PANK4: variants seen among roughly 807,000 people sequenced by gnomAD.
PANK4 encodes the protein pantothenate kinase 4 (inactive).
A neutral mutation model predicts 87.9 loss-of-function variants in PANK4; 40 were observed. The ratio of observed to expected loss-of-function variants is 0.46; its 90% CI spans 0.35 to 0.59. The LOEUF (loss-of-function observed/expected upper bound fraction) is 0.59. PANK4 is among the 20% of genes least tolerant of loss of function. The pLI is 0.00. For missense variants in PANK4, 926 were observed against 1,072.3 expected (o/e 0.86, Z 1.90); for synonymous variants, 524 against 467.4 (o/e 1.12, Z -1.56).
In PANK4 at chr1:2,512,976, C is replaced by G. The variant is rs372681543; in HGVS notation, c.1639G>C (p.Ala547Pro). 1 of 1,612,216 alleles carries G rather than the reference C, an allele frequency of 6.2e-7. No homozygotes were observed. Among genetic ancestry groups the G allele is most frequent in the Non-Finnish European group, 8.5e-7 (1 of 1,179,488 alleles). Residue 547 changes from alanine (A) to proline (P), a missense_variant, in exon 13 of 19, where the codon GCG (alanine) becomes CCG (proline). By Grantham distance (27) the Ala-to-Pro change is conservative. Transcript: ENST00000378466. Reference protein sequence around the residue: ...CFPGVVRSLDALGWEERQLAL... With the variant: ...CFPGVVRSLDPLGWEERQLAL... Reference sequence around the variant, plus strand: ...AGCTGCCGTTCCTCCCAGCCCAGCGCGTCCAGGGAGCGCACGACCCCGGGG... The same window carrying G: ...AGCTGCCGTTCCTCCCAGCCCAGCGGGTCCAGGGAGCGCACGACCCCGGGG...
At chr1:2,522,765 A>C (rs11583446) in intron 1 of PANK4, among the ~76,000 whole-genome samples, 1 of 11,788 alleles carries the variant, frequency 8.5e-5, no homozygotes. Context: ...GTGTTATAGT[A>C]ACTTAACGGA....
chr1:2,514,634 C>CGG (rs1479864791), intron 10 of PANK4, among the ~76,000 whole-genome samples, 168 bp from the exon 11 acceptor site: 1 of 61,638 alleles, frequency 1.6e-5, no homozygotes, highest in Non-Finnish European at 2.5e-5. Context: ...AGCCGGCTGT[C>CGG]GGGGGCTGTT....
chr1:2,518,322 A>G (rs775032234), intron 8 of PANK4, 58 bp from the exon 9 acceptor site: 22 of 1,217,044 alleles, frequency 1.8e-5, no homozygotes, highest in Admixed American at 1.6e-4. Flanking sequence ...CAAAAGCAGG[A>G]GAGTGGAGGA....
At position 2,521,130 on chromosome 1, in the gene PANK4, T is replaced by C. The variant is rs2985862; in HGVS notation, c.393A>G (p.Lys131=). 1,225,976 of 1,613,168 alleles carry C rather than the reference T, an allele frequency of 0.76. 468,635 individuals carry two copies. Among genetic ancestry groups the C allele is most frequent in the East Asian group, 0.97 (43,729 of 44,890 alleles). Residue 131 remains lysine, a synonymous_variant, in exon 3 of 19, where the codon AAA becomes AAG. Coordinates refer to ENST00000378466, the MANE Select transcript of PANK4 (RefSeq NM_018216.4). Reference sequence around the variant, plus strand: ...GCCGCAGCTTCTCTTCGATGAGGTCTTTGAACTTGTAGGCCCCGCCCCCGG... The same window carrying C: ...GCCGCAGCTTCTCTTCGATGAGGTCCTTGAACTTGTAGGCCCCGCCCCCGG... ...QATGGGAYKF[K]DLIEEKLRLK... is the part of the protein sequence containing the mutation.
In PANK4 at chr1:2,519,284, C is replaced by G; in HGVS notation, c.894G>C (p.Met298Ile). The G allele has an allele frequency of 1.2e-6, 2 of 1,611,892 alleles. No homozygotes were observed. The highest frequency in any genetic ancestry group is 1.7e-6 in the Non-Finnish European group (2 of 1,179,328). ...CCAGCTGCCCAATGTCGTTGCTGAT[C>G]ATGTGCAGCAGGCTCTTCGCCATGT... ...KEDMAKSLLH[M>I]ISNDIGQLAC... Residue 298 changes from methionine to isoleucine, a missense_variant, in exon 7 of 19, where the codon ATG (methionine) becomes ATC (isoleucine). By Grantham distance (10) the Met-to-Ile change is conservative (BLOSUM62 1). Coordinates refer to ENST00000378466, the MANE Select transcript of PANK4 (RefSeq NM_018216.4). The surrounding 1 kb of genome is among the most constrained non-coding windows in gnomAD (Gnocchi z 8.3).
chr1:2,512,912 T>C lies in PANK4; in HGVS notation c.1703A>G (p.Asp568Gly). The change falls in exon 13 of 19, where the codon GAC becomes GGC. Residue 568 changes from aspartate (D) to glycine (G), a missense_variant. Physicochemically the swap from Asp to Gly is moderately conservative, Grantham distance 94. Coordinates refer to ENST00000378466, the MANE Select transcript of PANK4 (RefSeq NM_018216.4). ...CGCAGACACGGCTTTGGCCCCCCAGTCGAAGACATTCCCCGCCAGGAGGCC... is the reference window on the plus strand; with the variant it reads ...CGCAGACACGGCTTTGGCCCCCCAGCCGAAGACATTCCCCGCCAGGAGGCC... ...VKGLLAGNVFDWGAKAVSAVL... is the reference protein window; with the variant it reads ...VKGLLAGNVFGWGAKAVSAVL... 2 of 1,612,710 alleles carry C rather than the reference T, an allele frequency of 1.2e-6. No homozygotes were observed. The highest frequency in any genetic ancestry group is 1.7e-6 in the Non-Finnish European group (2 of 1,179,856).
Position 2,523,426 on chromosome 1 carries a change from G to A in PANK4, c.125-1626C>T, listed in dbSNP as rs118152794. Among the ~76,000 whole-genome samples the A allele has an allele frequency of 5.5e-4, 84 of 152,274 alleles. No homozygotes were observed. The East Asian group carries it at 0.013, about 23-fold the overall frequency. On this transcript the variant is annotated intron_variant, in intron 1 of 18. Transcript: ENST00000378466. ...GCCGACTCACCTCAGTAAATAAATC[G>A]TTTTCTAAAACGACAGATGATGCAA...
chr1:2,522,814 C>CCG (rs1557449242), intron 1 of PANK4, among the ~76,000 whole-genome samples: 69 of 151,650 alleles, frequency 4.5e-4, no homozygotes, highest in Admixed American at 6.6e-4. Context: ...ACGGAGGGCA[C>CCG]TGGATGGTGC....
intron 9 of PANK4, among the ~76,000 whole-genome samples, chr1:2,516,504 G>A (rs1643780225): frequency 6.6e-6 from 1 of 152,220 alleles, no homozygotes; most frequent in Non-Finnish European, 1.5e-5. Context: ...TGGGACCAGA[G>A]GGGCTATGAG....
Position 2,520,710 on chromosome 1 carries a change from A to T in PANK4, c.606+13T>A. On this transcript the variant is annotated intron_variant, in intron 4 of 18. Transcript: ENST00000378466. This position sits in a 1 kb window ranked among gnomAD's most constrained non-coding sequence, Gnocchi z 6.2. The stretch of plus-strand genomic sequence containing the variant: ...AAACCATCCACTCATTCATTCATGA[A>T]GCCGGGTCTTACCTTCACGATGGAG... 1 of 1,609,008 alleles carries T rather than the reference A, an allele frequency of 6.2e-7. No individual in the cohort carries two copies. Among genetic ancestry groups the T allele is most frequent in the South Asian group, 1.1e-5 (1 of 90,766 alleles).
chr1:2,526,358 G>T, intron 1 of PANK4, 106 bp downstream of exon 1: 1 of 631,364 alleles, frequency 1.6e-6, no homozygotes, highest in Non-Finnish European at 2.0e-6. Context: ...TGTGCGCGAG[G>T]CCCGCGCCCC....
In PANK4 at chr1:2,510,440, C is replaced by T. The variant is rs1570530896; in HGVS notation, c.1938+238G>A. 1 of 597,036 alleles carries T rather than the reference C, an allele frequency of 1.7e-6. No individual in the cohort carries two copies. The highest frequency in any genetic ancestry group is 2.0e-5 in the South Asian group (1 of 49,646). The allele number at this position is 597,036 out of a possible 1,614,324, so 37.0% of individuals were successfully genotyped here. A position where few individuals can be genotyped will look rare whatever the true frequency, so the allele number is the denominator to read the frequency against. On this transcript the variant is annotated intron_variant, in intron 16 of 18. Coordinates refer to ENST00000378466, the MANE Select transcript of PANK4 (RefSeq NM_018216.4). This position sits in a 1 kb window ranked among gnomAD's most constrained non-coding sequence, Gnocchi z 4.9. ...AGCCTCCTTGCTGTGAGCACCCTTC[C>T]AGGAGCCTGGCGTCAACCCTGGGCT...
At position 2,509,935 on chromosome 1, in the gene PANK4, C is replaced by T. The variant is rs773282786; in HGVS notation, c.2040-5G>A. On this transcript the variant is annotated splice_polypyrimidine_tract_variant and splice_region_variant and intron_variant, in intron 17 of 18. Coordinates refer to ENST00000378466, the MANE Select transcript of PANK4 (RefSeq NM_018216.4). This position sits in a 1 kb window ranked among gnomAD's most constrained non-coding sequence, Gnocchi z 4.9. ...CTCTCTTCCTGGAGCGCAGAGCTGC[C>T]AGATACAAGGTGGTCAGTGCCCCCA... 6.2e-7 allele frequency: 1 copy of T among 1,611,286 alleles called. No individual in the cohort carries two copies. The highest frequency in any genetic ancestry group is 8.5e-7 in the Non-Finnish European group (1 of 1,179,426).
At chr1:2,512,866 C>T (rs778772522) in intron 13 of PANK4, 22 bp downstream of exon 13, 1 of 1,611,656 alleles carries the variant, frequency 6.2e-7, no homozygotes. Flanking sequence ...GCAGAGCCTG[C>T]TCCGAGCCCG....
rs1367702078 is a variant in PANK4 at position 2,509,832 on chromosome 1, G to A, written c.2108+30C>T. 6.3e-7 allele frequency: 1 copy of A among 1,596,792 alleles called. No homozygotes were observed. The highest frequency in any genetic ancestry group is 1.3e-5 in the African/African-American group (1 of 74,666). ...GCACAGAGGGCACAGAGCCCAGGAG[G>A]GAGAGAACAGGTGCAGGGTGCGGGG... On this transcript the variant is annotated intron_variant, in intron 18 of 18. Coordinates refer to ENST00000378466, the MANE Select transcript of PANK4 (RefSeq NM_018216.4). This position sits in a 1 kb window ranked among gnomAD's most constrained non-coding sequence, Gnocchi z 4.9.
intron 1 of PANK4, chr1:2,526,145 G>C (rs1447762912): frequency 6.6e-6 from 1 of 152,284 alleles, no homozygotes; most frequent in South Asian, 2.1e-4. Flanking sequence ...CCCACCTCGC[G>C]GCGGGTAACG....
chr1:2,510,711 G>A lies in PANK4; in HGVS notation c.1905C>T (p.Pro635=), dbSNP rs1643646508. 1.2e-6 allele frequency: 2 copies of A among 1,610,310 alleles called. No individual in the cohort carries two copies. The highest frequency in any genetic ancestry group is 8.5e-7 in the Non-Finnish European group (1 of 1,177,240). ...SGIDIILGVF[P]FVRELLLRGT... ...CTCTAAGGAGTAGCTCCCTGACAAAGGGGAAGACTCCCAAAATGATGTCTA... is the reference window on the plus strand; with the variant it reads ...CTCTAAGGAGTAGCTCCCTGACAAAAGGGAAGACTCCCAAAATGATGTCTA... Residue 635 remains proline, a synonymous_variant, in exon 16 of 19, where the codon CCC becomes CCT. Coordinates refer to ENST00000378466, the MANE Select transcript of PANK4 (RefSeq NM_018216.4). The surrounding 1 kb of genome is among the most constrained non-coding windows in gnomAD (Gnocchi z 4.9).
intron 1 of PANK4, among the ~76,000 whole-genome samples, chr1:2,523,484 A>C (rs1471445125): frequency 1.3e-5 from 2 of 152,240 alleles, no homozygotes; most frequent in African/African-American, 2.4e-5. Flanking sequence ...AGACTCATCA[A>C]AAGTCAGTAT....
chr1:2,512,655 T>C (rs544359444), intron 13 of PANK4: 6 of 551,338 alleles, frequency 1.1e-5, no homozygotes, highest in South Asian at 4.8e-5. Flanking sequence ...GCGGCACCCA[T>C]GCTTAAGGAA....
Sources: allele counts gnomAD v4.1 joint callset (sites outside exome capture counted in the v4.1 genomes callset), GRCh38; gene constraint gnomAD v4.1.1; non-coding constraint Gnocchi (gnomAD v3.1); transcripts MANE v1.5; gene names NCBI Gene and HGNC (gene_info 2026-07-23, HGNC 2026-07-21).